The following WDPCP variants were observed in gnomAD, a reference collection of about 807,000 sequenced individuals.
The protein encoded by WDPCP is WD repeat-containing and planar cell polarity effector protein fritz homolog.
In WDPCP, 71 loss-of-function variants were observed where a neutral mutation model predicts 93.1. That is an observed-to-expected ratio of 0.76 (90% CI 0.63 to 0.93). WDPCP has a LOEUF of 0.93. WDPCP is among the 40% of genes least tolerant of loss of function. WDPCP has a pLI of 0.00. For synonymous variants in WDPCP, 315 were observed against 315.0 expected, an observed-to-expected ratio of 1.00 and a Z score of 0.00; for missense variants, 844 against 887.4, an observed-to-expected ratio of 0.95 and a Z score of 0.62.
Position 63,433,874 on chromosome 2 carries a change from G to T in WDPCP, c.696C>A (p.Asn232Lys). Residue 232 changes from asparagine (N) to lysine (K), a missense_variant, in exon 9 of 18, where the codon AAC becomes AAA. Transcript: ENST00000272321. ...AGCAAACAACTCTATCATGAACACAGTTGATAGCTAGATGTCGCTCTGTTG... is the reference window on the plus strand; with the variant it reads ...AGCAAACAACTCTATCATGAACACATTTGATAGCTAGATGTCGCTCTGTTG... ...NKTTERHLAI[N>K]CVHDRVVCWW... is the part of the protein sequence containing the mutation. 6.2e-7 allele frequency: 1 copy of T among 1,613,992 alleles called. No individual in the cohort carries two copies. Among genetic ancestry groups the T allele is most frequent in the Non-Finnish European group, 8.5e-7 (1 of 1,179,944 alleles).
chr2:63,271,813 A>G (rs1475805625), intron 13 of WDPCP, among the ~76,000 whole-genome samples: 1 of 152,120 alleles, frequency 6.6e-6, no homozygotes, highest in African/African-American at 2.4e-5. Context: ...GCCTGCTGCC[A>G]CTACTGCTGC....
chr2:63,422,255 T>G (rs1363264455), intron 9 of WDPCP, among the ~76,000 whole-genome samples: 1 of 152,210 alleles, frequency 6.6e-6, no homozygotes, highest in Non-Finnish European at 1.5e-5. Context: ...CCAAGACTGC[T>G]GAGGCCATAC....
intron 2 of WDPCP, among the ~76,000 whole-genome samples, chr2:63,719,586 T>A (rs1185688959): frequency 1.3e-5 from 2 of 152,158 alleles, no homozygotes; most frequent in South Asian, 4.1e-4. Flanking sequence ...ACAGAATATT[T>A]GTTCAATACA....
chr2:63,494,473 T>G (rs1007411290), intron 1 of WDPCP, among the ~76,000 whole-genome samples: 1 of 152,134 alleles, frequency 6.6e-6, no homozygotes, highest in Non-Finnish European at 1.5e-5. Flanking sequence ...TGAGGAAACT[T>G]AGGCACAGAG....
intron 3 of WDPCP, among the ~76,000 whole-genome samples, chr2:63,629,834 A>G (rs1361548249): frequency 6.6e-6 from 1 of 152,246 alleles, no homozygotes; most frequent in East Asian, 1.9e-4. Flanking sequence ...TGTAAAACAA[A>G]ACATGTAACT....
At chr2:63,664,777 T>C (rs1710265121) in intron 2 of WDPCP, among the ~76,000 whole-genome samples, 1 of 152,228 alleles carries the variant, frequency 6.6e-6, no homozygotes, top group Non-Finnish European at 1.5e-5. Flanking sequence ...CACCTATATG[T>C]TCAGCACTTT....
intron 2 of WDPCP, among the ~76,000 whole-genome samples, chr2:63,789,946 ATGTGAAT>A (rs1275350277): frequency 2.0e-5 from 3 of 152,218 alleles, no homozygotes; most frequent in South Asian, 2.1e-4. Flanking sequence ...TTGAATTAGC[ATGTGAAT>A]TGTGAATTGT....
chr2:63,735,839 A>G (rs1669631327), intron 2 of WDPCP, among the ~76,000 whole-genome samples: 1 of 152,228 alleles, frequency 6.6e-6, no homozygotes. Context: ...ACAAGCTTTG[A>G]CTGACTGGTG....
chr2:63,183,107 T>C (rs1303200178), intron 14 of WDPCP, among the ~76,000 whole-genome samples: 1 of 152,010 alleles, frequency 6.6e-6, no homozygotes, highest in African/African-American at 2.4e-5. Flanking sequence ...TTTGACCCTT[T>C]ATAATGTTCT....
intron 12 of WDPCP, among the ~76,000 whole-genome samples, chr2:63,338,191 G>C (rs75574476): frequency 0.049 from 7,501 of 151,926 alleles, 276 homozygotes; most frequent in African/African-American, 0.1. Flanking sequence ...TGAGAGATGG[G>C]GTCTACCTTC....
the WDPCP span, among the ~76,000 whole-genome samples, chr2:63,838,394 T>C: frequency 2.6e-5 from 4 of 152,226 alleles, no homozygotes; most frequent in African/African-American, 9.6e-5. Flanking sequence ...CAAGTTTCTA[T>C]GGGAAAGTAG....
intron 3 of WDPCP, among the ~76,000 whole-genome samples, chr2:63,647,069 T>C (rs577542889): frequency 6.6e-6 from 1 of 152,286 alleles, no homozygotes; most frequent in South Asian, 2.1e-4. Flanking sequence ...CTATTTTCTA[T>C]ATCCTGTAGG....
the WDPCP span, among the ~76,000 whole-genome samples, chr2:63,834,002 A>G: frequency 6.6e-6 from 1 of 152,146 alleles, no homozygotes; most frequent in African/African-American, 2.4e-5. Flanking sequence ...CACAAATTTC[A>G]AATAATTATC....
intron 2 of WDPCP, among the ~76,000 whole-genome samples, chr2:63,747,816 C>A (rs1453850764): frequency 1.3e-5 from 2 of 152,006 alleles, no homozygotes; most frequent in East Asian, 3.8e-4. Flanking sequence ...TAAACAAAAT[C>A]TATCAGAGAT....
At chr2:63,669,517 G>A (rs1003417424) in intron 2 of WDPCP, among the ~76,000 whole-genome samples, 3 of 151,846 alleles carry the variant, frequency 2.0e-5, no homozygotes, top group Non-Finnish European at 2.9e-5. Context: ...GTGCCACCAT[G>A]CCCAGCTAAT....
intron 15 of WDPCP, among the ~76,000 whole-genome samples, chr2:63,157,296 A>G (rs1672326244): frequency 6.6e-6 from 1 of 152,018 alleles, no homozygotes; most frequent in South Asian, 2.1e-4. Context: ...TATGAGAGAC[A>G]GTAGTCTATA....
chr2:63,123,239 G>C (rs1669670241), intron 17 of WDPCP, among the ~76,000 whole-genome samples: 1 of 152,124 alleles, frequency 6.6e-6, no homozygotes, highest in Non-Finnish European at 1.5e-5. Flanking sequence ...CCAAAGTCTA[G>C]TTTCTATACC....
intron 12 of WDPCP, among the ~76,000 whole-genome samples, chr2:63,333,644 A>G (rs1376962082): frequency 1.3e-5 from 2 of 152,204 alleles, no homozygotes; most frequent in Non-Finnish European, 1.5e-5. Flanking sequence ...AAATTTACCT[A>G]TAGCCCGGAA....
chr2:63,456,243 C>A (rs1473672892), intron 6 of WDPCP, among the ~76,000 whole-genome samples: 1 of 152,004 alleles, frequency 6.6e-6, no homozygotes, highest in East Asian at 1.9e-4. Flanking sequence ...ACGGTGAAAC[C>A]CCATCACTAC....
Sources: gnomAD v4.1 joint callset for allele counts (sites outside exome capture counted in the v4.1 genomes callset) on GRCh38, gnomAD v4.1.1 for gene constraint, MANE v1.5 for transcripts, NCBI Gene and HGNC (gene_info 2026-07-23, HGNC 2026-07-21) for gene names.